TAFA1: variants seen among roughly 807,000 people sequenced by gnomAD.
TAFA1 encodes the protein TAFA chemokine like family member 1, also known as chemokine-like protein TAFA-1.
A neutral mutation model predicts 18.5 loss-of-function variants in TAFA1; 4 were observed. The observed-to-expected ratio is 0.22, with a 90% confidence interval of 0.11 to 0.49. The LOEUF (loss-of-function observed/expected upper bound fraction) is 0.49, where lower values mean the gene tolerates loss of function less well. Ranked by LOEUF, TAFA1 falls within the 20% of genes least tolerant of loss-of-function variation. The probability of loss-of-function intolerance (pLI) is 0.98; values close to 1 mark genes in which losing one functional copy is unlikely to be tolerated. For missense variants in TAFA1, 147 were observed against 169.0 expected, an observed-to-expected ratio of 0.87 and a Z score of 0.72; for synonymous variants, 56 against 55.2, an observed-to-expected ratio of 1.01 and a Z score of -0.06.
intron 2 of TAFA1, among the ~76,000 whole-genome samples, chr3:68,369,506 C>T (rs556658174): frequency 2.4e-4 from 36 of 152,268 alleles, no homozygotes; most frequent in African/African-American, 3.6e-4. Flanking sequence ...TTTATGAGGT[C>T]CACATCTTAA....
intron 2 of TAFA1, among the ~76,000 whole-genome samples, chr3:68,288,468 A>T (rs2068054401): frequency 6.6e-6 from 1 of 152,168 alleles, no homozygotes; most frequent in South Asian, 2.1e-4. Context: ...ATGGAAGATT[A>T]TGTCGCCATT....
At chr3:68,511,399 C>A (rs1040875838) in intron 3 of TAFA1, among the ~76,000 whole-genome samples, 10 of 152,084 alleles carry the variant, frequency 6.6e-5, no homozygotes, top group African/African-American at 2.4e-4. Context: ...TTTCTACTAG[C>A]AGACAAGTTG....
At chr3:68,245,994 C>T (rs1297667131) in intron 2 of TAFA1, among the ~76,000 whole-genome samples, 1 of 152,160 alleles carries the variant, frequency 6.6e-6, no homozygotes, top group Admixed American at 6.5e-5. Flanking sequence ...TCCAATAATG[C>T]AAGCTCCCTG....
At chr3:68,147,626 A>G (rs560994212) in intron 2 of TAFA1, among the ~76,000 whole-genome samples, 1 of 152,228 alleles carries the variant, frequency 6.6e-6, no homozygotes, top group African/African-American at 2.4e-5. Context: ...GCATGTCTCT[A>G]TCTGTGTCTA....
chr3:68,244,434 T>G (rs2067040006), intron 2 of TAFA1, among the ~76,000 whole-genome samples: 1 of 152,194 alleles, frequency 6.6e-6, no homozygotes, highest in African/African-American at 2.4e-5. Context: ...TCCTATAAGG[T>G]GTGAGATTTA....
chr3:68,488,494 T>G (rs1022193812), intron 3 of TAFA1, among the ~76,000 whole-genome samples: 14 of 152,258 alleles, frequency 9.2e-5, no homozygotes, highest in African/African-American at 3.4e-4. Context: ...ACACGCAATA[T>G]TAACCATCAC....
At chr3:68,512,662 G>A (rs2072865838) in intron 3 of TAFA1, among the ~76,000 whole-genome samples, 1 of 146,726 alleles carries the variant, frequency 6.8e-6, no homozygotes, top group African/African-American at 2.6e-5. Flanking sequence ...AAGAGTTCTG[G>A]GTGGTTTTTT....
chr3:68,012,095 A>G (rs1704484165), intron 2 of TAFA1, among the ~76,000 whole-genome samples: 1 of 152,228 alleles, frequency 6.6e-6, no homozygotes, highest in Non-Finnish European at 1.5e-5. Context: ...AGACAATTTG[A>G]ACTCTTTTAA....
intron 2 of TAFA1, among the ~76,000 whole-genome samples, chr3:68,243,923 C>A (rs2067034595): frequency 6.6e-6 from 1 of 152,164 alleles, no homozygotes. Context: ...AGCAATACAG[C>A]TTTTCTGCAT....
At chr3:68,076,523 G>T (rs201015219) in intron 2 of TAFA1, among the ~76,000 whole-genome samples, 1 of 134,392 alleles carries the variant, frequency 7.4e-6, no homozygotes, top group African/African-American at 2.8e-5. Context: ...CGATCTCATC[G>T]TTCAATTCCC....
chr3:68,172,512 A>AGCACTGC (rs1261087441), intron 2 of TAFA1, among the ~76,000 whole-genome samples: 2 of 152,202 alleles, frequency 1.3e-5, no homozygotes, highest in Admixed American at 6.5e-5. Context: ...TGTTAAACAT[A>AGCACTGC]GCACTGCCAT....
intron 3 of TAFA1, among the ~76,000 whole-genome samples, chr3:68,524,597 C>T (rs1356648693): frequency 6.6e-6 from 1 of 152,156 alleles, no homozygotes; most frequent in African/African-American, 2.4e-5. Context: ...CAAGATTCCC[C>T]ATCTCCCAGG....
At chr3:68,227,043 A>G (rs558006415) in intron 2 of TAFA1, among the ~76,000 whole-genome samples, 1 of 152,328 alleles carries the variant, frequency 6.6e-6, no homozygotes, top group Admixed American at 6.5e-5. Context: ...TACTATTATA[A>G]GGGAGCCCAG....
intron 2 of TAFA1, among the ~76,000 whole-genome samples, chr3:68,393,229 T>C (rs1489730478): frequency 1.3e-5 from 2 of 152,068 alleles, no homozygotes; most frequent in Non-Finnish European, 2.9e-5. Context: ...TATAAACAAC[T>C]GTACACAAAT....
chr3:68,516,097 T>C (rs1174822043), intron 3 of TAFA1, among the ~76,000 whole-genome samples: 2 of 152,270 alleles, frequency 1.3e-5, no homozygotes, highest in Admixed American at 1.3e-4. Context: ...CATACTTTCC[T>C]ATTTCATCTT....
chr3:68,022,057 A>G (rs994661031), intron 2 of TAFA1, among the ~76,000 whole-genome samples: 1 of 152,196 alleles, frequency 6.6e-6, no homozygotes, highest in South Asian at 2.1e-4. Context: ...TTTATTAATT[A>G]TAATCTTTTC....
At chr3:68,107,938 A>G (rs192665469) in intron 2 of TAFA1, among the ~76,000 whole-genome samples, 98 of 152,234 alleles carry the variant, frequency 6.4e-4, no homozygotes, top group African/African-American at 2.2e-3. Flanking sequence ...TCTGTTAAAT[A>G]CTTGTTAAGA....
At chr3:68,234,171 A>T (rs376108375) in intron 2 of TAFA1, among the ~76,000 whole-genome samples, 1 of 152,170 alleles carries the variant, frequency 6.6e-6, no homozygotes, top group African/African-American at 2.4e-5. Context: ...CAGATTCCCC[A>T]CTATGGCATT....
intron 3 of TAFA1, among the ~76,000 whole-genome samples, chr3:68,486,127 A>G (rs918863117): frequency 1.2e-4 from 17 of 139,538 alleles, no homozygotes; most frequent in African/African-American, 4.3e-4. Flanking sequence ...ATTTTATTTT[A>G]TTTTATTTTA....
Sources: allele counts gnomAD v4.1 joint callset (sites outside exome capture counted in the v4.1 genomes callset), GRCh38; gene constraint gnomAD v4.1.1; transcripts MANE v1.5; gene names NCBI Gene and HGNC (gene_info 2026-07-23, HGNC 2026-07-21).